Variants in NFRKB observed in about 807,000 individuals in gnomAD.
NFRKB encodes nuclear factor related to kappaB binding protein.
A neutral mutation model predicts 135.7 loss-of-function variants in NFRKB; 62 were observed. The ratio of observed to expected loss-of-function variants is 0.46; its 90% CI spans 0.37 to 0.56. The LOEUF is 0.56. NFRKB is among the 20% of genes least tolerant of loss of function. The pLI is 0.00. For synonymous variants in NFRKB, 678 were observed against 635.6 expected, an observed-to-expected ratio of 1.07 and a Z score of -1.00; for missense variants, 1,545 against 1,662.0, an observed-to-expected ratio of 0.93 and a Z score of 1.22.
rs761801364 is a variant in NFRKB, at chr11:129,878,520, C to T, written c.1408G>A (p.Glu470Lys). ...CATAGCTGGAAGAGGGCAGCTAATTCCTTTTCATTATCTTGGGATTGGCCT... is the reference window on the plus strand; with the variant it reads ...CATAGCTGGAAGAGGGCAGCTAATTTCTTTTCATTATCTTGGGATTGGCCT... ...LLGQSQDNEK[E>K]LAALFQLWLE... Residue 470 changes from glutamate (E) to lysine (K), a missense_variant, in exon 14 of 27, where the codon GAA (glutamate) becomes AAA (lysine). By Grantham distance (56) the Glu-to-Lys change is moderately conservative. This residue lies in a region of NFRKB where 678 missense variants were observed against 646.7 expected (regional missense o/e 1.05). Coordinates refer to ENST00000682444, the MANE Select transcript of NFRKB (RefSeq NM_001143835.2). The T allele has an allele frequency of 6.2e-7, 1 of 1,614,018 alleles. No individual in the cohort carries two copies. The highest frequency in any genetic ancestry group is 2.2e-5 in the East Asian group (1 of 44,892).
Position 129,878,556 on chromosome 11 carries a change from T to C in NFRKB, c.1385-13A>G, listed in dbSNP as rs755672503. 1 of 1,604,078 alleles carries C rather than the reference T, an allele frequency of 6.2e-7. No homozygotes were observed. The highest frequency in any genetic ancestry group is 8.5e-7 in the Non-Finnish European group (1 of 1,172,428). On this transcript the variant is annotated splice_polypyrimidine_tract_variant and intron_variant, in intron 13 of 26. Coordinates refer to ENST00000682444, the MANE Select transcript of NFRKB (RefSeq NM_001143835.2). ...TCTTGGGATTGGCCTATTAGAGGAA[T>C]AAAGAGATAAAAAAATAAGAAGGTC...
rs777007270 is a variant in NFRKB, at chr11:129,874,067, C to T, written c.2279+46G>A. 1.3e-6 allele frequency: 2 copies of T among 1,591,646 alleles called. No individual in the cohort carries two copies. The highest frequency in any genetic ancestry group is 2.2e-5 in the East Asian group (1 of 44,464). On this transcript the variant is annotated intron_variant, in intron 21 of 26. Transcript: ENST00000682444. This position sits in a 1 kb window ranked among gnomAD's most constrained non-coding sequence, Gnocchi z 4.5. The stretch of plus-strand genomic sequence containing the variant: ...AAAACAAAAACTTAGGACATGCATA[C>T]AAAAGAACTCTAGAACGAAAAAGCT...
rs555208304 is a variant in NFRKB, at chr11:129,888,544, C to T, written c.337+50G>A. ...GAAAGGAATACCCACATAAAGTGAA[C>T]GTGTGCCCATCCACCACCCCCCTCA... is the stretch of plus-strand genomic sequence containing the variant. On this transcript the variant is annotated intron_variant, in intron 4 of 26. Transcript: ENST00000682444. The T allele has an allele frequency of 8.0e-6, 12 of 1,496,862 alleles. No individual in the cohort carries two copies. The South Asian group carries it at 9.0e-5, about 11-fold the overall frequency. 92.7% of individuals were successfully genotyped at this position (1,496,862 alleles called of 1,614,324 possible).
chr11:129,874,498 TA>T lies in NFRKB; in HGVS notation c.2058+2del. ...GGGCAGACACTCTCCTGAAGTCACT[TA>T]CCACCTTGGATGGGGGCTTGGGTTT... On this transcript the variant is annotated splice_donor_variant, in intron 20 of 26. Transcript: ENST00000682444. LOFTEE classifies it high-confidence loss of function. The surrounding 1 kb of genome is among the most constrained non-coding windows in gnomAD (Gnocchi z 4.5). The T allele has an allele frequency of 6.2e-7, 1 of 1,613,452 alleles. No individual in the cohort carries two copies.
chr11:129,880,219 A>T (rs904397780), intron 13 of NFRKB, among the ~76,000 whole-genome samples: 2 of 152,074 alleles, frequency 1.3e-5, no homozygotes, highest in Non-Finnish European at 2.9e-5. Context: ...AATAAATTTT[A>T]AAAACTAAAC....
In NFRKB at chr11:129,870,337, C is replaced by T. The variant is rs531331969; in HGVS notation, c.2764-76G>A. The T allele has an allele frequency of 1.2e-4, 183 of 1,468,894 alleles. No homozygotes were observed. The African/African-American group carries it at 2.2e-3, about 18-fold the overall frequency. The allele number at this position is 1,468,894 out of a possible 1,614,324, so 91.0% of individuals were successfully genotyped here. On this transcript the variant is annotated intron_variant, in intron 23 of 26. Coordinates refer to ENST00000682444, the MANE Select transcript of NFRKB (RefSeq NM_001143835.2). ...TACAAAATACAACTAGACAAACTTC[C>T]GTTTCATGGGTAGATGTTTTGTATT...
chr11:129,876,483 T>C (rs1432590793), intron 17 of NFRKB, among the ~76,000 whole-genome samples: 3 of 152,174 alleles, frequency 2.0e-5, no homozygotes, highest in Admixed American at 1.3e-4. Context: ...TTAACCTATT[T>C]AGCTGGTCTG....
intron 9 of NFRKB, 49 bp downstream of exon 9, chr11:129,883,073 C>T: frequency 6.4e-7 from 1 of 1,573,316 alleles, no homozygotes. Flanking sequence ...GCTCACGCAA[C>T]TTAACACCAT....
At position 129,870,131 on chromosome 11, in the gene NFRKB, T is replaced by C. The variant is rs1417289101; in HGVS notation, c.2894A>G (p.Lys965Arg). Residue 965 changes from lysine to arginine, a missense_variant, in exon 24 of 27, where the codon AAG becomes AGG. Lys to Arg is a conservative substitution (Grantham distance 26, BLOSUM62 2). Around this residue, in one of 3 missense-constraint regions of NFRKB, gnomAD observed 753 missense variants for 804.3 expected, o/e 0.94. Coordinates refer to ENST00000682444, the MANE Select transcript of NFRKB (RefSeq NM_001143835.2). ...AGTGATTCGCAGAACCGTCTGGCCC[T>C]TGGCATCTGTGGTGATGGAAGAGGG... ...LPPSSITTDA[K>R]GQTVLRITPD... 5.0e-6 allele frequency: 8 copies of C among 1,614,252 alleles called. No homozygotes were observed. Among genetic ancestry groups the C allele is most frequent in the Non-Finnish European group, 6.8e-6 (8 of 1,180,030 alleles).
At chr11:129,888,863 CA>C in intron 3 of NFRKB, 68 bp from the exon 4 acceptor site, 6 of 1,107,686 alleles carry the variant, frequency 5.4e-6, no homozygotes, top group Non-Finnish European at 8.0e-6. Context: ...TATGCGTATA[CA>C]AAACATTACA....
At position 129,869,994 on chromosome 11, in the gene NFRKB, G is replaced by C. The variant is rs1363509621; in HGVS notation, c.3031C>G (p.His1011Asp). The part of the protein sequence containing the change: ...TTGKGISATL[H>D]VTSNPVHAAD... ...GCATGTACTGGATTGGAAGTGACGT[G>C]TAAGGTGGCAGAGATGCCTTTGCCT... Residue 1011 changes from histidine to aspartate, a missense_variant, in exon 24 of 27, where the codon CAC becomes GAC. Around this residue, in one of 3 missense-constraint regions of NFRKB, gnomAD observed 753 missense variants for 804.3 expected, o/e 0.94. Coordinates refer to ENST00000682444, the MANE Select transcript of NFRKB (RefSeq NM_001143835.2). The C allele has an allele frequency of 6.2e-7, 1 of 1,614,264 alleles. No individual in the cohort carries two copies. The highest frequency in any genetic ancestry group is 1.1e-5 in the South Asian group (1 of 91,090).
chr11:129,882,041 A>T, intron 11 of NFRKB, 45 bp downstream of exon 11: 1 of 1,526,880 alleles, frequency 6.5e-7, no homozygotes, highest in Middle Eastern at 1.8e-4. Flanking sequence ...GGATTTGAAC[A>T]CTTTGAAAAC....
chr11:129,866,386 T>C (rs1591468583), intron 24 of NFRKB, among the ~76,000 whole-genome samples: 1 of 152,140 alleles, frequency 6.6e-6, no homozygotes, highest in Non-Finnish European at 1.5e-5. Context: ...ACAATCACTA[T>C]TTGGTGAAAT....
chr11:129,883,864 C>T (rs1949143628), intron 8 of NFRKB, among the ~76,000 whole-genome samples: 1 of 152,222 alleles, frequency 6.6e-6, no homozygotes, highest in East Asian at 1.9e-4. Context: ...ACGATTAAGG[C>T]AGACACTACA....
intron 17 of NFRKB, 38 bp from the exon 18 acceptor site, chr11:129,875,501 C>T (rs749575442): frequency 2.6e-6 from 4 of 1,524,306 alleles, no homozygotes; most frequent in Non-Finnish European, 3.6e-6. Context: ...ACAAGTCAGG[C>T]AGGGTTCCTA....
chr11:129,866,563 T>C (rs1244029821), intron 24 of NFRKB, among the ~76,000 whole-genome samples: 1 of 151,550 alleles, frequency 6.6e-6, no homozygotes, highest in Non-Finnish European at 1.5e-5. Flanking sequence ...AGAGGTTAGC[T>C]AGGGGACACT....
intron 3 of NFRKB, among the ~76,000 whole-genome samples, chr11:129,889,824 A>G (rs1434356932): frequency 6.6e-6 from 1 of 151,586 alleles, no homozygotes; most frequent in Admixed American, 6.6e-5. Context: ...AACACAAAAG[A>G]AAGGATAGCA....
In NFRKB at chr11:129,878,572, TAAG is replaced by T. The variant is rs1565407303; in HGVS notation, c.1385-32_1385-30del. 2.4e-5 allele frequency: 37 copies of T among 1,555,776 alleles called. 1 individual carries two copies. Among genetic ancestry groups the T allele is most frequent in the Middle Eastern group, 1.8e-4 (1 of 5,618 alleles). On this transcript the variant is annotated intron_variant, in intron 13 of 26. Transcript: ENST00000682444. ...TTAGAGGAATAAAGAGATAAAAAAATAAGAAGGTCTAAGGTATTATTGAGAATC... is the reference window on the plus strand; with the variant it reads ...TTAGAGGAATAAAGAGATAAAAAAATAAGGTCTAAGGTATTATTGAGAATC...
chr11:129,877,283 G>T, intron 16 of NFRKB, 42 bp downstream of exon 16: 3 of 1,575,586 alleles, frequency 1.9e-6, no homozygotes, highest in Non-Finnish European at 2.6e-6. Context: ...TCTCTGCATG[G>T]CTCACAGAGG....
Sources: gnomAD v4.1 joint callset for allele counts (sites outside exome capture counted in the v4.1 genomes callset) on GRCh38, gnomAD v4.1.1 for gene constraint, gnomAD v4.1.1 regional missense constraint, Gnocchi (gnomAD v3.1) non-coding constraint, MANE v1.5 for transcripts, NCBI Gene and HGNC (gene_info 2026-07-23, HGNC 2026-07-21) for gene names.